PCDHGA3: variants seen among roughly 807,000 people sequenced by gnomAD.
PCDHGA3 encodes the protein protocadherin gamma-A3.
A neutral mutation model predicts 58.5 loss-of-function variants in PCDHGA3; 40 were observed. The ratio of observed to expected loss-of-function variants is 0.68; its 90% CI spans 0.53 to 0.89. The LOEUF is 0.89. Ranked by LOEUF, PCDHGA3 falls within the 40% of genes least tolerant of loss-of-function variation. The pLI, the probability that PCDHGA3 is intolerant of heterozygous loss-of-function variation, is 0.00. For missense variants in PCDHGA3, 1,223 were observed against 1,195.9 expected (o/e 1.02, Z -0.33); for synonymous variants, 530 against 525.7 (o/e 1.01, Z -0.11).
intron 1 of PCDHGA3, chr5:141,408,023 A>G (rs2095028170): frequency 1.9e-6 from 2 of 1,054,662 alleles, no homozygotes; most frequent in Middle Eastern, 3.2e-4. Context: ...CCAACAACAG[A>G]AAGAAGAAAA....
intron 1 of PCDHGA3, chr5:141,372,091 C>T (rs767361394): frequency 1.2e-6 from 2 of 1,613,774 alleles, no homozygotes; most frequent in South Asian, 2.2e-5. Flanking sequence ...CTGTACCCAG[C>T]TCTGGGGCCC....
At chr5:141,478,500 T>C (rs754881921) in intron 1 of PCDHGA3, 16 of 1,612,740 alleles carry the variant, frequency 9.9e-6, no homozygotes, top group Non-Finnish European at 1.4e-5. Context: ...TGTGATCCGG[T>C]GTTCTATAGG....
At position 141,404,863 on chromosome 5, in the gene PCDHGA3, G is replaced by A. The variant is rs370856862; in HGVS notation, c.2424+58406G>A. 507 of 1,613,746 alleles carry A rather than the reference G, an allele frequency of 3.1e-4. 2 individuals are homozygous for A. The highest frequency in any genetic ancestry group is 3.8e-4 in the Non-Finnish European group (451 of 1,179,902). On this transcript the variant is annotated intron_variant, in intron 1 of 3. Coordinates refer to ENST00000253812, the MANE Select transcript of PCDHGA3 (RefSeq NM_018916.4). ...CTCGGGCCCTGCTAGATAGAGATGC[G>A]CTCAAACAGAGCCTTGTGGTGGCTG...
At chr5:141,418,295 G>A (rs751665486) in intron 1 of PCDHGA3, 1 of 1,613,996 alleles carries the variant, frequency 6.2e-7, no homozygotes, top group Admixed American at 1.7e-5. Context: ...CAGTGAATCC[G>A]TCAGCCTGGG....
At position 141,344,135 on chromosome 5, in the gene PCDHGA3, G is replaced by A. The variant is rs763070238; in HGVS notation, c.102G>A (p.Ser34=). Residue 34 remains serine (S), a synonymous_variant, in exon 1 of 4, where the codon TCG becomes TCA. Coordinates refer to ENST00000253812, the MANE Select transcript of PCDHGA3 (RefSeq NM_018916.4). ...CETGSGQIRY[S]VSEELDKGSF... Reference sequence around the variant, plus strand: ...CAGGATCCGGTCAGATCCGCTACTCGGTGTCTGAGGAGCTAGATAAAGGTT... The same window carrying A: ...CAGGATCCGGTCAGATCCGCTACTCAGTGTCTGAGGAGCTAGATAAAGGTT... 1 of 1,614,010 alleles carries A rather than the reference G, an allele frequency of 6.2e-7. No individual in the cohort carries two copies. Among genetic ancestry groups the A allele is most frequent in the Non-Finnish European group, 8.5e-7 (1 of 1,179,866 alleles).
chr5:141,360,008 C>G, intron 1 of PCDHGA3: 1 of 1,210,692 alleles, frequency 8.3e-7, no homozygotes, highest in Non-Finnish European at 1.1e-6. Context: ...ACAAACCAAC[C>G]ACACAGAGAA....
Position 141,403,252 on chromosome 5 carries a change from G to A in PCDHGA3, c.2424+56795G>A, listed in dbSNP as rs180687908. 8.6e-4 allele frequency: 1,389 copies of A among 1,613,900 alleles called. 2 individuals carry two copies. Among genetic ancestry groups the A allele is most frequent in the Non-Finnish European group, 1.1e-3 (1,338 of 1,179,904 alleles). On this transcript the variant is annotated intron_variant, in intron 1 of 3. Transcript: ENST00000253812. Reference sequence around the variant, plus strand: ...GGGAGGAGCTCTGTGCTCAGAGCCCGCGGTGTCTGGTGAACTTTAAAGTCC... The same window carrying A: ...GGGAGGAGCTCTGTGCTCAGAGCCCACGGTGTCTGGTGAACTTTAAAGTCC...
intron 1 of PCDHGA3, chr5:141,415,300 C>T (rs763286826): frequency 3.1e-6 from 5 of 1,614,222 alleles, no homozygotes; most frequent in East Asian, 4.5e-5. Context: ...CTGCGTCTTC[C>T]TGGCCTTCGT....
intron 1 of PCDHGA3, chr5:141,383,678 G>C: frequency 1.2e-6 from 2 of 1,614,036 alleles, no homozygotes; most frequent in East Asian, 4.5e-5. Flanking sequence ...GTGGGTACAA[G>C]ACTGCTCACG....
chr5:141,503,161 T>C (rs1035413931), intron 2 of PCDHGA3, among the ~76,000 whole-genome samples: 3 of 152,054 alleles, frequency 2.0e-5, no homozygotes, highest in Admixed American at 1.3e-4. Context: ...AGTATCACAA[T>C]TGCAATTACT....
chr5:141,419,443 C>T (rs1476796525), intron 1 of PCDHGA3: 2 of 1,613,080 alleles, frequency 1.2e-6, no homozygotes, highest in South Asian at 2.2e-5. Flanking sequence ...TGCGCACCTT[C>T]GAGCTCACGC....
chr5:141,432,934 G>A lies in PCDHGA3; in HGVS notation c.2425-61873G>A. The stretch of plus-strand genomic sequence containing the variant: ...GGCGCTGGCACAAGTCACGCCTGCT[G>A]CAGGCTTCAGGAGGCGGCTTGACAG... On this transcript the variant is annotated intron_variant, in intron 1 of 3. Transcript: ENST00000253812. This position sits in a 1 kb window ranked among gnomAD's most constrained non-coding sequence, Gnocchi z 6.0. 1.9e-6 allele frequency: 3 copies of A among 1,614,196 alleles called. No individual in the cohort carries two copies. Among genetic ancestry groups the A allele is most frequent in the Non-Finnish European group, 2.5e-6 (3 of 1,180,040 alleles).
rs574920194 is a variant in PCDHGA3 at position 141,364,921 on chromosome 5, A to C, written c.2424+18464A>C. ...AAAAGTATCCGGAGCTGGTGTTGGA[A>C]CAGCCCCTAGACCGCGAGAAAGAGA... On this transcript the variant is annotated intron_variant, in intron 1 of 3. Coordinates refer to ENST00000253812, the MANE Select transcript of PCDHGA3 (RefSeq NM_018916.4). 2.2e-5 allele frequency: 36 copies of C among 1,613,954 alleles called. No individual in the cohort carries two copies. In the African/African-American group the frequency reaches 3.6e-4, roughly 16 times the overall value.
chr5:141,350,915 C>T (rs775693416), intron 1 of PCDHGA3: 3 of 1,614,100 alleles, frequency 1.9e-6, no homozygotes, highest in East Asian at 2.2e-5. Flanking sequence ...GGACCCGCCT[C>T]TAAGCGGCAC....
intron 1 of PCDHGA3, chr5:141,394,133 G>T: frequency 6.2e-7 from 1 of 1,613,920 alleles, no homozygotes; most frequent in Non-Finnish European, 8.5e-7. Flanking sequence ...AAATCGCTCT[G>T]CACGTGGCAG....
At chr5:141,399,255 G>A (rs767281843) in intron 1 of PCDHGA3, 6 of 1,613,892 alleles carry the variant, frequency 3.7e-6, no homozygotes, top group Non-Finnish European at 5.1e-6. Context: ...GGGAAAATGG[G>A]GAGGTTAATT....
chr5:141,365,925 T>C (rs766503118), intron 1 of PCDHGA3: 3 of 1,614,168 alleles, frequency 1.9e-6, no homozygotes, highest in Non-Finnish European at 2.5e-6. Flanking sequence ...CAGTTGTGGG[T>C]GACAGCCAGC....
chr5:141,346,897 T>C (rs1269994667), intron 1 of PCDHGA3, among the ~76,000 whole-genome samples: 3 of 152,234 alleles, frequency 2.0e-5, no homozygotes, highest in African/African-American at 7.2e-5. Context: ...CTTATCCTGA[T>C]ACATACAAGT....
chr5:141,352,501 C>G (rs772755481), intron 1 of PCDHGA3: 10 of 1,614,010 alleles, frequency 6.2e-6, no homozygotes, highest in South Asian at 5.5e-5. Context: ...TGCCCTATTC[C>G]TACAATCTAT....
Sources: allele counts gnomAD v4.1 joint callset (sites outside exome capture counted in the v4.1 genomes callset), GRCh38; gene constraint gnomAD v4.1.1; non-coding constraint Gnocchi (gnomAD v3.1); transcripts MANE v1.5; gene names NCBI Gene and HGNC (gene_info 2026-07-23, HGNC 2026-07-21).